Variants in MAGI1 observed in about 807,000 individuals in gnomAD.
MAGI1 encodes membrane-associated guanylate kinase, WW and PDZ domain-containing protein 1.
A neutral mutation model predicts 139.9 loss-of-function variants in MAGI1; 58 were observed. The ratio of observed to expected loss-of-function variants is 0.41; its 90% CI spans 0.34 to 0.52. The LOEUF is 0.52. MAGI1 is among the 20% of genes least tolerant of loss of function. The probability of loss-of-function intolerance (pLI) is 0.12; values close to 1 mark genes in which losing one functional copy is unlikely to be tolerated. For synonymous variants in MAGI1, 812 were observed against 737.9 expected, an observed-to-expected ratio of 1.10 and a Z score of -1.63; for missense variants, 1,874 against 1,901.6, an observed-to-expected ratio of 0.99 and a Z score of 0.27.
At chr3:65,786,080 C>T (rs926952464) in intron 1 of MAGI1, among the ~76,000 whole-genome samples, 3 of 151,650 alleles carry the variant, frequency 2.0e-5, no homozygotes, top group East Asian at 1.9e-4. Context: ...CTCAGCCTCC[C>T]GAGTAGCTGG....
chr3:66,025,622 T>C (rs897056336), intron 1 of MAGI1, among the ~76,000 whole-genome samples: 3 of 152,216 alleles, frequency 2.0e-5, no homozygotes, highest in Non-Finnish European at 4.4e-5. Flanking sequence ...CCAAACAGCA[T>C]GTACTGTACA....
At chr3:65,790,796 C>CT (rs1459984148) in intron 1 of MAGI1, among the ~76,000 whole-genome samples, 1 of 152,228 alleles carries the variant, frequency 6.6e-6, no homozygotes, top group Non-Finnish European at 1.5e-5. Context: ...ATTGTGCAGG[C>CT]TGGCACGGTG....
At chr3:66,033,780 T>C (rs1210876462) in intron 1 of MAGI1, among the ~76,000 whole-genome samples, 1 of 152,166 alleles carries the variant, frequency 6.6e-6, no homozygotes, top group Non-Finnish European at 1.5e-5. Flanking sequence ...CCTGGGTAAT[T>C]TGAAAAACCA....
intron 1 of MAGI1, among the ~76,000 whole-genome samples, chr3:66,005,207 C>T (rs2066948714): frequency 6.6e-6 from 1 of 152,134 alleles, no homozygotes; most frequent in Non-Finnish European, 1.5e-5. Context: ...ATGTGACCTA[C>T]AGATCTTTGA....
At chr3:65,756,318 C>A in intron 1 of MAGI1, among the ~76,000 whole-genome samples, 1 of 151,996 alleles carries the variant, frequency 6.6e-6, no homozygotes, top group East Asian at 1.9e-4. Flanking sequence ...TGGTGCATGT[C>A]GGTGTGGATG....
intron 1 of MAGI1, among the ~76,000 whole-genome samples, chr3:65,728,097 C>G (rs934690870): frequency 6.6e-6 from 1 of 152,104 alleles, no homozygotes; most frequent in Non-Finnish European, 1.5e-5. Context: ...TAGCATTTTC[C>G]ACACTCAGGA....
chr3:65,557,983 A>G (rs376125153), intron 2 of MAGI1, among the ~76,000 whole-genome samples: 106 of 152,258 alleles, frequency 7.0e-4, no homozygotes, highest in Non-Finnish European at 1.2e-3. Flanking sequence ...AGGGAGATAA[A>G]CTGCCTTCTA....
intron 1 of MAGI1, among the ~76,000 whole-genome samples, chr3:65,733,393 T>C (rs142457979): frequency 1.3e-5 from 2 of 152,214 alleles, no homozygotes; most frequent in African/African-American, 4.8e-5. Flanking sequence ...AGCCAGAAAA[T>C]TAATTGTATG....
chr3:65,586,855 C>A (rs1319196417), intron 2 of MAGI1, among the ~76,000 whole-genome samples: 3 of 151,810 alleles, frequency 2.0e-5, no homozygotes, highest in Non-Finnish European at 4.4e-5. Context: ...AAAATGCAAA[C>A]AGGGCACAGG....
At chr3:65,841,774 C>T (rs760737780) in intron 1 of MAGI1, among the ~76,000 whole-genome samples, 2 of 152,112 alleles carry the variant, frequency 1.3e-5, no homozygotes, top group Non-Finnish European at 2.9e-5. Flanking sequence ...AATTTCCCTC[C>T]ACCAGCCTTT....
chr3:65,522,961 A>G (rs776258016), intron 2 of MAGI1, among the ~76,000 whole-genome samples: 1 of 152,146 alleles, frequency 6.6e-6, no homozygotes, highest in Non-Finnish European at 1.5e-5. Context: ...ACCTTGTCTG[A>G]TACAAAAAGG....
chr3:65,687,433 C>A, intron 1 of MAGI1: 1 of 378,074 alleles, frequency 2.6e-6, no homozygotes, highest in South Asian at 2.5e-5. Context: ...TCCCCTGGGT[C>A]AAGCCAACAC....
chr3:65,770,126 A>C (rs1289310197), intron 1 of MAGI1, among the ~76,000 whole-genome samples: 1 of 152,092 alleles, frequency 6.6e-6, no homozygotes, highest in Non-Finnish European at 1.5e-5. Context: ...ACTGGCAAAA[A>C]CTGCTCTGTC....
intron 2 of MAGI1, among the ~76,000 whole-genome samples, chr3:65,512,533 C>G (rs1382331076): frequency 2.7e-5 from 4 of 149,448 alleles, no homozygotes; most frequent in Non-Finnish European, 4.4e-5. Context: ...AACACCTCTA[C>G]GCAAATAAAA....
chr3:65,676,424 C>T (rs1346923497), intron 1 of MAGI1, among the ~76,000 whole-genome samples: 2 of 152,086 alleles, frequency 1.3e-5, no homozygotes, highest in Admixed American at 1.3e-4. Flanking sequence ...GGAGCAGAGG[C>T]TTTTGGTTTA....
chr3:65,948,854 G>A (rs975522699), intron 1 of MAGI1, among the ~76,000 whole-genome samples: 10 of 152,164 alleles, frequency 6.6e-5, no homozygotes, highest in African/African-American at 1.9e-4. Context: ...GCACGAAGAC[G>A]ATGCTGCAGA....
At chr3:65,977,669 C>T (rs544037551) in intron 1 of MAGI1, among the ~76,000 whole-genome samples, 1 of 152,168 alleles carries the variant, frequency 6.6e-6, no homozygotes, top group East Asian at 1.9e-4. Flanking sequence ...CGAGATCACA[C>T]CACTGCACTC....
At chr3:65,437,295 T>A in intron 9 of MAGI1, 48 bp from the exon 10 acceptor site, 1 of 1,191,650 alleles carries the variant, frequency 8.4e-7, no homozygotes, top group South Asian at 1.2e-5. Flanking sequence ...AAATGGCTCA[T>A]TGAGTTACTT....
At chr3:65,947,944 T>A (rs935808292) in intron 1 of MAGI1, among the ~76,000 whole-genome samples, 1 of 146,342 alleles carries the variant, frequency 6.8e-6, no homozygotes, top group Non-Finnish European at 1.5e-5. Context: ...TTCTCTTTTT[T>A]TTTTTTTTTT....
Sources: gnomAD v4.1 joint callset for allele counts (sites outside exome capture counted in the v4.1 genomes callset) on GRCh38, gnomAD v4.1.1 for gene constraint, MANE v1.5 for transcripts, NCBI Gene and HGNC (gene_info 2026-07-23, HGNC 2026-07-21) for gene names.